Variants in NAALADL2 observed in about 807,000 individuals in gnomAD.
The protein encoded by NAALADL2 is inactive N-acetylated-alpha-linked acidic dipeptidase-like protein 2.
Under a neutral mutation model 87.2 loss-of-function variants are expected in NAALADL2, and 76 were observed. The observed-to-expected ratio is 0.87, with a 90% confidence interval of 0.72 to 1.05. The LOEUF (loss-of-function observed/expected upper bound fraction) is 1.05, where lower values mean the gene tolerates loss of function less well. NAALADL2 is among the 50% of genes least tolerant of loss of function. The probability of loss-of-function intolerance (pLI) is 0.00; values close to 1 mark genes in which losing one functional copy is unlikely to be tolerated. For synonymous variants in NAALADL2, 354 were observed against 331.0 expected (o/e 1.07, Z -0.75); for missense variants, 1,089 against 945.8 (o/e 1.15, Z -1.99).
chr3:174,703,080 G>A (rs1395072412), intron 2 of NAALADL2, among the ~76,000 whole-genome samples: 2 of 152,012 alleles, frequency 1.3e-5, no homozygotes, highest in Non-Finnish European at 1.5e-5. Context: ...GAGGCACTGG[G>A]GACTTTTGGA....
rs78107580 is a variant in NAALADL2 at position 174,448,362 on chromosome 3, C to T, written c.-184+7330C>T. On this transcript the variant is annotated intron_variant, in intron 1 of 3. Transcript: ENST00000434257. ...TCAAGATATAAAGCTATTTCATCAC[C>T]ACAAATATCCCTCTTACAGTACCCT... Among the ~76,000 whole-genome samples, 815 of 152,006 alleles carry T rather than the reference C, an allele frequency of 5.4e-3. 7 individuals are homozygous for T. Among genetic ancestry groups the T allele is most frequent in the East Asian group, 0.041 (213 of 5,180 alleles).
At chr3:174,720,013 G>A (rs539895826) in intron 2 of NAALADL2, among the ~76,000 whole-genome samples, 72 of 152,062 alleles carry the variant, frequency 4.7e-4, no homozygotes, top group African/African-American at 1.7e-3. Flanking sequence ...TGTTGGCCAG[G>A]ATGGTCTCGC....
chr3:175,133,672 G>A (rs1728616138), intron 2 of NAALADL2, among the ~76,000 whole-genome samples: 1 of 152,280 alleles, frequency 6.6e-6, no homozygotes, highest in Non-Finnish European at 1.5e-5. Context: ...GATGGCAGCA[G>A]TACAGTCCAG....
At chr3:175,725,470 T>C (rs928497845) in intron 11 of NAALADL2, among the ~76,000 whole-genome samples, 1 of 152,148 alleles carries the variant, frequency 6.6e-6, no homozygotes, top group African/African-American at 2.4e-5. Context: ...GAATTAGCAT[T>C]GGAATGTATC....
intron 1 of NAALADL2, among the ~76,000 whole-genome samples, chr3:175,078,275 T>C (rs1379398628): frequency 2.0e-5 from 3 of 152,120 alleles, no homozygotes; most frequent in African/African-American, 7.2e-5. Flanking sequence ...TCTGCCCGCA[T>C]TGGCCTCCCA....
intron 4 of NAALADL2, among the ~76,000 whole-genome samples, chr3:175,318,364 G>A (rs551392994): frequency 8.6e-5 from 13 of 151,804 alleles, no homozygotes; most frequent in Non-Finnish European, 1.2e-4. Flanking sequence ...CAGAAAAAAT[G>A]ATGGAACTTT....
intron 1 of NAALADL2, among the ~76,000 whole-genome samples, chr3:174,890,012 C>T (rs1476064124): frequency 6.6e-6 from 1 of 152,086 alleles, no homozygotes; most frequent in Admixed American, 6.6e-5. Context: ...CTGTAGTACG[C>T]TACATATGAG....
At chr3:175,735,870 T>C (rs1744433379) in intron 11 of NAALADL2, among the ~76,000 whole-genome samples, 1 of 152,242 alleles carries the variant, frequency 6.6e-6, no homozygotes, top group Non-Finnish European at 1.5e-5. Flanking sequence ...CATAATTTCC[T>C]AGTAAATTAT....
chr3:174,511,625 G>C (rs568659870), intron 1 of NAALADL2, among the ~76,000 whole-genome samples: 1 of 151,032 alleles, frequency 6.6e-6, no homozygotes, highest in Admixed American at 6.6e-5. Context: ...TTTAATTAGA[G>C]TATTTAGACC....
chr3:175,773,687 C>T (rs994072597), intron 13 of NAALADL2: 3 of 152,030 alleles, frequency 2.0e-5, no homozygotes, highest in South Asian at 2.1e-4. Context: ...ATCAGAAAAA[C>T]GTTTGCTGAG....
intron 11 of NAALADL2, among the ~76,000 whole-genome samples, chr3:175,688,652 A>G (rs751324502): frequency 9.2e-5 from 14 of 152,168 alleles, no homozygotes; most frequent in Non-Finnish European, 2.1e-4. Flanking sequence ...CAAAAGGCTC[A>G]GGCAGTTTAT....
intron 9 of NAALADL2, among the ~76,000 whole-genome samples, chr3:175,552,796 C>G (rs6803737): frequency 0.63 from 96,150 of 151,834 alleles, 31,965 homozygotes; most frequent in East Asian, 0.87. Context: ...GGTGGAGATT[C>G]AAGTATATAC....
intron 1 of NAALADL2, among the ~76,000 whole-genome samples, chr3:174,943,971 G>T (rs538379653): frequency 6.6e-6 from 1 of 152,236 alleles, no homozygotes; most frequent in Middle Eastern, 3.4e-3. Context: ...GGTAACTGGA[G>T]GCCCAGGCCT....
At chr3:175,631,231 A>G (rs1727718274) in intron 11 of NAALADL2, among the ~76,000 whole-genome samples, 1 of 151,802 alleles carries the variant, frequency 6.6e-6, no homozygotes, top group Non-Finnish European at 1.5e-5. Flanking sequence ...TTTGCTGAAT[A>G]TGAACAGTAT....
chr3:174,548,963 C>T (rs1481868668), intron 1 of NAALADL2, among the ~76,000 whole-genome samples: 1 of 152,170 alleles, frequency 6.6e-6, no homozygotes, highest in Non-Finnish European at 1.5e-5. Flanking sequence ...ACCTCAGCCT[C>T]CCGAGTAGCT....
chr3:175,279,778 TAGTGTGTG>T (rs201408105), intron 4 of NAALADL2, among the ~76,000 whole-genome samples: 229 of 139,618 alleles, frequency 1.6e-3, no homozygotes, highest in Middle Eastern at 0.011. Context: ...ATCCTCTGCA[TAGTGTGTG>T]AGTGTGTGTG....
At chr3:175,343,916 G>T (rs1762862299) in intron 5 of NAALADL2, among the ~76,000 whole-genome samples, 1 of 151,868 alleles carries the variant, frequency 6.6e-6, no homozygotes, top group South Asian at 2.1e-4. Context: ...AGAGGAAAGA[G>T]AAAGCAACTA....
At chr3:175,559,147 G>T (rs894364535) in intron 9 of NAALADL2, among the ~76,000 whole-genome samples, 9 of 151,812 alleles carry the variant, frequency 5.9e-5, no homozygotes, top group Admixed American at 2.0e-4. Flanking sequence ...TCACTTCTTT[G>T]GTTATAATAA....
intron 8 of NAALADL2, among the ~76,000 whole-genome samples, chr3:175,471,375 T>C (rs1333017667): frequency 6.7e-6 from 1 of 150,274 alleles, no homozygotes; most frequent in African/African-American, 2.5e-5. Flanking sequence ...TCCCAGCTAC[T>C]GAGGCAGGAG....
Sources: gnomAD v4.1 joint callset for allele counts (sites outside exome capture counted in the v4.1 genomes callset) on GRCh38, gnomAD v4.1.1 for gene constraint, MANE v1.5 for transcripts, NCBI Gene and HGNC (gene_info 2026-07-23, HGNC 2026-07-21) for gene names.